LITAF: variants seen among roughly 807,000 people sequenced by gnomAD.
LITAF encodes lipopolysaccharide induced TNF factor.
A neutral mutation model predicts 14.5 loss-of-function variants in LITAF; 9 were observed. That is an observed-to-expected ratio of 0.62 (90% CI 0.37 to 1.08). LITAF has a LOEUF of 1.08. Ranked by LOEUF, LITAF falls within the 50% of genes least tolerant of loss-of-function variation. LITAF has a pLI of 0.01. For synonymous variants in LITAF, 98 were observed against 88.2 expected (o/e 1.11, Z -0.62); for missense variants, 206 against 213.4 (o/e 0.97, Z 0.22).
intron 3 of LITAF, among the ~76,000 whole-genome samples, chr16:11,609,510 G>A (rs1037922399): frequency 1.3e-5 from 2 of 152,102 alleles, no homozygotes; most frequent in African/African-American, 2.4e-5. Flanking sequence ...CACCGTGCCC[G>A]GCCTGAATGG....
chr16:11,633,046 A>T (rs1000723789), intron 3 of LITAF, among the ~76,000 whole-genome samples: 2 of 152,114 alleles, frequency 1.3e-5, no homozygotes, highest in Admixed American at 6.5e-5. Flanking sequence ...GGGGCCTGGG[A>T]AAGGAGGTCT....
At chr16:11,601,562 G>A (rs1455167082), upstream of LITAF, among the ~76,000 whole-genome samples, 1 of 152,054 alleles carries the variant, frequency 6.6e-6, no homozygotes, top group Non-Finnish European at 1.5e-5. Context: ...AGTAGGAGCC[G>A]CTTTTGTTTA....
intron 3 of LITAF, among the ~76,000 whole-genome samples, chr16:11,623,137 T>A (rs2065061887): frequency 6.6e-6 from 1 of 151,504 alleles, no homozygotes; most frequent in Non-Finnish European, 1.5e-5. Flanking sequence ...CTAATTTTTG[T>A]ATTTTTAGTA....
intron 1 of LITAF, among the ~76,000 whole-genome samples, chr16:11,573,504 T>C (rs1294171094): frequency 1.3e-5 from 2 of 152,156 alleles, no homozygotes; most frequent in African/African-American, 2.4e-5. Context: ...ACAGCGTTGC[T>C]GGTAACAGCA....
chr16:11,600,583 C>T (rs914249586), upstream of LITAF, among the ~76,000 whole-genome samples: 1 of 152,242 alleles, frequency 6.6e-6, no homozygotes, highest in Admixed American at 6.5e-5. This position sits in a 1 kb window ranked among gnomAD's most constrained non-coding sequence, Gnocchi z 4.1. Context: ...AGCTGGCCCC[C>T]ACCCTTCACC....
At chr16:11,551,836 A>AAAC in intron 3 of LITAF, 1 of 545,800 alleles carries the variant, frequency 1.8e-6, no homozygotes, top group Admixed American at 3.4e-5. Flanking sequence ...AGCCTCAAAC[A>AAAC]AAACAAAACA....
intron 3 of LITAF, among the ~76,000 whole-genome samples, chr16:11,627,987 G>A (rs1011705526): frequency 6.0e-5 from 8 of 133,392 alleles, no homozygotes; most frequent in African/African-American, 8.3e-5. Context: ...ACTCCAGCCT[G>A]AGCGACAGAG....
upstream of LITAF, among the ~76,000 whole-genome samples, chr16:11,588,637 C>T (rs1020024215): frequency 6.6e-6 from 1 of 152,076 alleles, no homozygotes; most frequent in Non-Finnish European, 1.5e-5. Flanking sequence ...AATTGGATTA[C>T]ACCCAACCTC....
chr16:11,565,765 C>T (rs1183121315), intron 1 of LITAF, among the ~76,000 whole-genome samples: 5 of 152,110 alleles, frequency 3.3e-5, no homozygotes, highest in Admixed American at 2.0e-4. Flanking sequence ...AAACATGTCA[C>T]GGGCATGCTC....
chr16:11,579,437 G>T (rs939844576), intron 1 of LITAF, among the ~76,000 whole-genome samples: 1 of 150,462 alleles, frequency 6.6e-6, no homozygotes, highest in African/African-American at 2.5e-5. Context: ...CGGCCTGGGC[G>T]ACAGAGCGAG....
exon 1 of LITAF, chr16:11,636,344 GCGAAGAAAGGGGTCC>G (rs1567270340): frequency 6.6e-6 from 1 of 152,268 alleles, no homozygotes. Context: ...AGCGCTCTCT[GCGAAGAAAGGGGTCC>G]CAGAGAAAAT....
At chr16:11,571,469 A>T (rs10744976) in intron 1 of LITAF, among the ~76,000 whole-genome samples, 103,414 of 152,050 alleles carry the variant, frequency 0.68, 35,486 homozygotes, top group Non-Finnish European at 0.72. Flanking sequence ...CAGGGTAATG[A>T]GTTAGAAAAC....
In LITAF at chr16:11,549,767, C is replaced by T. The variant is rs200859827; in HGVS notation, c.378-22G>A. 1.9e-5 allele frequency: 30 copies of T among 1,585,206 alleles called. No individual in the cohort carries two copies. Among genetic ancestry groups the T allele is most frequent in the African/African-American group, 2.7e-5 (2 of 74,456 alleles). ...GCACCTGGGAGGAGAGAGAGACACACGGAGCGCGTTACTGATCACAACAGG... is the reference window on the plus strand; with the variant it reads ...GCACCTGGGAGGAGAGAGAGACACATGGAGCGCGTTACTGATCACAACAGG... On this transcript the variant is annotated intron_variant, in intron 3 of 3. Transcript: ENST00000622633. This position sits in a 1 kb window ranked among gnomAD's most constrained non-coding sequence, Gnocchi z 4.6.
chr16:11,575,878 C>A (rs751106119), intron 1 of LITAF, among the ~76,000 whole-genome samples: 1 of 151,988 alleles, frequency 6.6e-6, no homozygotes, highest in Admixed American at 6.6e-5. Context: ...TTTTTTCTTT[C>A]TTAAACTGAA....
chr16:11,601,180 C>A (rs938743373), upstream of LITAF, among the ~76,000 whole-genome samples: 5 of 152,090 alleles, frequency 3.3e-5, no homozygotes, highest in Non-Finnish European at 7.4e-5. Context: ...AGACCCCATC[C>A]TGGGAATGTC....
intron 3 of LITAF, among the ~76,000 whole-genome samples, chr16:11,552,678 T>G (rs1486702439): frequency 2.6e-5 from 4 of 152,120 alleles, no homozygotes; most frequent in African/African-American, 7.2e-5. Flanking sequence ...CGGATACGCT[T>G]AAGAGCAGCA....
chr16:11,597,831 G>A (rs1342289011), intron 1 of LITAF, among the ~76,000 whole-genome samples: 2 of 152,198 alleles, frequency 1.3e-5, no homozygotes, highest in Non-Finnish European at 2.9e-5. Context: ...TTATAGCTGA[G>A]GCCCAGAAAG....
intron 3 of LITAF, among the ~76,000 whole-genome samples, chr16:11,628,659 C>T (rs1260503118): frequency 2.6e-5 from 4 of 151,152 alleles, no homozygotes; most frequent in East Asian, 3.9e-4. Flanking sequence ...TGTGCCACCA[C>T]GGCTGGCTAA....
At chr16:11,601,186 A>G (rs1363753137), upstream of LITAF, among the ~76,000 whole-genome samples, 5 of 151,760 alleles carry the variant, frequency 3.3e-5, no homozygotes, top group Admixed American at 2.0e-4. Context: ...CATCCTGGGA[A>G]TGTCACTCGG....
Sources: allele counts gnomAD v4.1 joint callset (sites outside exome capture counted in the v4.1 genomes callset), GRCh38; gene constraint gnomAD v4.1.1; non-coding constraint Gnocchi (gnomAD v3.1); transcripts MANE v1.5; gene names NCBI Gene and HGNC (gene_info 2026-07-23, HGNC 2026-07-21).